ERGIC1: variants seen among roughly 807,000 people sequenced by gnomAD.
ERGIC1 encodes the protein endoplasmic reticulum-Golgi intermediate compartment protein 1.
In ERGIC1, 19 loss-of-function variants were observed where a neutral mutation model predicts 38.3. The observed-to-expected ratio is 0.50, with a 90% CI of 0.35 to 0.73. The LOEUF is 0.73. Ranked by LOEUF, ERGIC1 falls within the 30% of genes least tolerant of loss-of-function variation. ERGIC1 has a pLI of 0.01. For missense variants in ERGIC1, 294 were observed against 389.2 expected (o/e 0.76, Z 2.06); for synonymous variants, 124 against 157.6 (o/e 0.79, Z 1.60).
intron 9 of ERGIC1, 106 bp downstream of exon 9, chr5:172,935,416 A>T: frequency 6.6e-7 from 1 of 1,503,762 alleles, no homozygotes; most frequent in Non-Finnish European, 9.1e-7. Flanking sequence ...AACAGGAGGC[A>T]GCCTGCAGGG....
At chr5:172,884,567 T>C (rs1762372664) in intron 1 of ERGIC1, among the ~76,000 whole-genome samples, 1 of 152,160 alleles carries the variant, frequency 6.6e-6, no homozygotes, top group Non-Finnish European at 1.5e-5. Context: ...CCTCTTCTTG[T>C]CCTTTTGACA....
At chr5:172,877,375 C>A (rs887844268) in intron 1 of ERGIC1, among the ~76,000 whole-genome samples, 20 of 133,992 alleles carry the variant, frequency 1.5e-4, no homozygotes, top group African/African-American at 5.5e-4. Context: ...GGGTCTTGTA[C>A]TTTTTTCTCA....
chr5:172,921,328 C>T (rs1193919132), intron 5 of ERGIC1, among the ~76,000 whole-genome samples: 1 of 152,234 alleles, frequency 6.6e-6, no homozygotes, highest in Admixed American at 6.5e-5. Flanking sequence ...GGAGATCTTG[C>T]CACGCCTTTG....
chr5:172,850,218 T>C (rs1372253370), intron 1 of ERGIC1, among the ~76,000 whole-genome samples: 1 of 152,202 alleles, frequency 6.6e-6, no homozygotes, highest in Non-Finnish European at 1.5e-5. Context: ...TGGGTCACAC[T>C]TGAAGCCAGG....
At chr5:172,853,278 C>G (rs1561701968) in intron 1 of ERGIC1, among the ~76,000 whole-genome samples, 4 of 152,172 alleles carry the variant, frequency 2.6e-5, no homozygotes, top group Non-Finnish European at 4.4e-5. Flanking sequence ...CCACAGGAGT[C>G]CTGGCCACAG....
At chr5:172,887,213 A>T (rs1762444593) in intron 1 of ERGIC1, among the ~76,000 whole-genome samples, 2 of 152,170 alleles carry the variant, frequency 1.3e-5, no homozygotes, top group South Asian at 4.1e-4. Flanking sequence ...GAGGAACCGC[A>T]CACCAGCCTG....
At chr5:172,896,021 G>T (rs1762713078) in intron 2 of ERGIC1, among the ~76,000 whole-genome samples, 1 of 152,026 alleles carries the variant, frequency 6.6e-6, no homozygotes, top group Admixed American at 6.6e-5. Context: ...GCCGACCCCA[G>T]AACTCTGTTC....
chr5:172,899,232 G>A lies in ERGIC1; in HGVS notation c.155+2158G>A, dbSNP rs1197800601. ...ATCAGCCAGGTCAAAGTGAGCAAGC[G>A]GAGAGGGTAGGAGGTAGAGCAGGCA... On this transcript the variant is annotated intron_variant, in intron 3 of 9. Coordinates refer to ENST00000393784, the MANE Select transcript of ERGIC1 (RefSeq NM_001031711.3). Among the ~76,000 whole-genome samples the A allele has an allele frequency of 9.2e-5, 14 of 152,142 alleles. No homozygotes were observed. The South Asian group carries it at 1.2e-3, about 14-fold the overall frequency.
At chr5:172,886,604 TTAATAA>T (rs199955812) in intron 1 of ERGIC1, among the ~76,000 whole-genome samples, 2,863 of 152,252 alleles carry the variant, frequency 0.019, 103 homozygotes, top group African/African-American at 0.065. Context: ...CAAACAAGCG[TTAATAA>T]TAATAGTAAC....
At chr5:172,841,667 A>T (rs1761164612) in intron 1 of ERGIC1, among the ~76,000 whole-genome samples, 1 of 152,178 alleles carries the variant, frequency 6.6e-6, no homozygotes, top group Admixed American at 6.5e-5. Flanking sequence ...CCTTTCTCAG[A>T]TTCTGGTCTG....
intron 1 of ERGIC1, among the ~76,000 whole-genome samples, chr5:172,848,963 C>T (rs1022503686): frequency 6.6e-6 from 1 of 152,192 alleles, no homozygotes; most frequent in African/African-American, 2.4e-5. Context: ...GATGGGAGGC[C>T]ACCACGTGCC....
At chr5:172,915,560 G>A (rs964991102) in intron 5 of ERGIC1, 3 of 471,050 alleles carry the variant, frequency 6.4e-6, no homozygotes, top group Admixed American at 2.3e-5. Context: ...TGAACGCAGT[G>A]CCCTTGGGAG....
At chr5:172,899,374 G>A (rs1762815214) in intron 3 of ERGIC1, among the ~76,000 whole-genome samples, 1 of 138,864 alleles carries the variant, frequency 7.2e-6, no homozygotes, top group Non-Finnish European at 1.5e-5. Flanking sequence ...CTGTAGTGCA[G>A]TGGCGTGATC....
chr5:172,843,837 G>A (rs1761220704), intron 1 of ERGIC1, among the ~76,000 whole-genome samples: 1 of 152,232 alleles, frequency 6.6e-6, no homozygotes, highest in East Asian at 1.9e-4. Context: ...CTTTGCCTCT[G>A]CAAGCCTCAG....
intron 1 of ERGIC1, among the ~76,000 whole-genome samples, chr5:172,865,345 C>T (rs990738602): frequency 3.9e-5 from 6 of 152,106 alleles, no homozygotes; most frequent in Admixed American, 2.6e-4. Context: ...CGTGAGCCAC[C>T]GCACCTGGCC....
At chr5:172,907,376 G>A (rs1581562440) in intron 3 of ERGIC1, among the ~76,000 whole-genome samples, 1 of 152,236 alleles carries the variant, frequency 6.6e-6, no homozygotes, top group East Asian at 1.9e-4. Flanking sequence ...TGGCCAACCT[G>A]GTGAAACCCC....
intron 7 of ERGIC1, among the ~76,000 whole-genome samples, chr5:172,928,157 G>C (rs913687412): frequency 1.3e-5 from 2 of 152,192 alleles, no homozygotes; most frequent in African/African-American, 4.8e-5. Flanking sequence ...TGGACCCTCA[G>C]CTGCTGGACA....
intron 1 of ERGIC1, among the ~76,000 whole-genome samples, chr5:172,883,235 C>T (rs1227237775): frequency 6.6e-6 from 1 of 152,202 alleles, no homozygotes; most frequent in Admixed American, 6.5e-5. Flanking sequence ...ACCCAAGCAT[C>T]CCCAGATGTT....
At chr5:172,872,310 A>C (rs1413490051) in intron 1 of ERGIC1, among the ~76,000 whole-genome samples, 1 of 152,200 alleles carries the variant, frequency 6.6e-6, no homozygotes, top group East Asian at 1.9e-4. Flanking sequence ...AATGGGGATG[A>C]AGCTAGTGTT....
Sources: allele counts gnomAD v4.1 joint callset (sites outside exome capture counted in the v4.1 genomes callset), GRCh38; gene constraint gnomAD v4.1.1; transcripts MANE v1.5; gene names NCBI Gene and HGNC (gene_info 2026-07-23, HGNC 2026-07-21).